Variants in PDZD2 observed in about 807,000 individuals in gnomAD.
PDZD2 encodes the protein PDZ domain-containing protein 2.
In PDZD2, 90 loss-of-function variants were observed where a neutral mutation model predicts 220.7. The observed-to-expected ratio is 0.41, with a 90% CI of 0.34 to 0.49. The LOEUF is 0.49. PDZD2 is among the 20% of genes least tolerant of loss of function. The pLI, the probability that PDZD2 is intolerant of heterozygous loss-of-function variation, is 0.28. For synonymous variants in PDZD2, 1,375 were observed against 1,450.5 expected, an observed-to-expected ratio of 0.95 and a Z score of 1.18; for missense variants, 3,174 against 3,608.5, an observed-to-expected ratio of 0.88 and a Z score of 3.08.
At chr5:31,979,328 G>A (rs995393417) in intron 2 of PDZD2, among the ~76,000 whole-genome samples, 7 of 152,130 alleles carry the variant, frequency 4.6e-5, no homozygotes, top group South Asian at 2.1e-4. Context: ...CCAGCACTTT[G>A]GGAGCCTGAG....
chr5:31,798,480 C>T (rs1252746005), intron 1 of PDZD2, among the ~76,000 whole-genome samples: 3 of 152,100 alleles, frequency 2.0e-5, no homozygotes, highest in Non-Finnish European at 2.9e-5. Context: ...GCTGGGCTGA[C>T]CAAGGCAAAT....
chr5:31,949,045 C>G (rs1366579592), intron 2 of PDZD2, among the ~76,000 whole-genome samples: 2 of 137,122 alleles, frequency 1.5e-5, no homozygotes, highest in Non-Finnish European at 3.0e-5. Flanking sequence ...TTGCACTGAG[C>G]TGAGATGGAG....
intron 1 of PDZD2, among the ~76,000 whole-genome samples, chr5:31,740,097 C>T (rs536792414): frequency 1.2e-4 from 18 of 152,236 alleles, no homozygotes; most frequent in Non-Finnish European, 1.8e-4. Flanking sequence ...TTCCACCTCT[C>T]GGTAGCCATT....
intron 6 of PDZD2, among the ~76,000 whole-genome samples, chr5:32,019,846 TA>T (rs1754057958): frequency 1.3e-5 from 2 of 152,278 alleles, no homozygotes; most frequent in South Asian, 4.1e-4. Flanking sequence ...AGAAGTCATG[TA>T]ATGACTTTCT....
At chr5:31,648,172 A>G (rs422147) in intron 1 of PDZD2, among the ~76,000 whole-genome samples, 135,980 of 152,110 alleles carry the variant, frequency 0.89, 61,851 homozygotes, top group East Asian at 1. Context: ...GGAGAGCTCA[A>G]CTATCTCGAG....
At chr5:31,868,046 A>C (rs1472251243) in intron 2 of PDZD2, among the ~76,000 whole-genome samples, 1 of 152,204 alleles carries the variant, frequency 6.6e-6, no homozygotes, top group Non-Finnish European at 1.5e-5. Flanking sequence ...CCTGAGGCTC[A>C]GAAGGGCCTT....
chr5:32,025,309 T>G (rs1754550998), intron 6 of PDZD2, among the ~76,000 whole-genome samples: 1 of 152,036 alleles, frequency 6.6e-6, no homozygotes, highest in Non-Finnish European at 1.5e-5. Flanking sequence ...GCGGATCACC[T>G]GAGGTCAGGA....
intron 1 of PDZD2, among the ~76,000 whole-genome samples, chr5:31,660,202 G>A (rs1199105648): frequency 6.6e-6 from 1 of 152,110 alleles, no homozygotes; most frequent in Non-Finnish European, 1.5e-5. Flanking sequence ...ATAGAAAGGA[G>A]CAATTCTTTG....
intron 2 of PDZD2, among the ~76,000 whole-genome samples, chr5:31,827,094 C>A (rs1756277018): frequency 6.6e-6 from 1 of 152,206 alleles, no homozygotes; most frequent in Admixed American, 6.5e-5. Flanking sequence ...GGGAACCTTG[C>A]TCTTTATTCA....
chr5:31,841,680 G>T (rs909106611), intron 2 of PDZD2, among the ~76,000 whole-genome samples: 1 of 147,096 alleles, frequency 6.8e-6, no homozygotes, highest in African/African-American at 2.5e-5. Flanking sequence ...CAAAAAAAAA[G>T]AACAATACCT....
chr5:32,015,954 G>A (rs763713795), intron 6 of PDZD2, among the ~76,000 whole-genome samples: 1 of 152,172 alleles, frequency 6.6e-6, no homozygotes, highest in African/African-American at 2.4e-5. Context: ...ACCCGTATCC[G>A]GCTTCCGTTG....
intron 1 of PDZD2, among the ~76,000 whole-genome samples, chr5:31,774,393 G>GA (rs1298457830): frequency 6.7e-6 from 1 of 150,320 alleles, no homozygotes; most frequent in Non-Finnish European, 1.5e-5. Context: ...GTTCACTGTA[G>GA]AAAAAAGAAA....
At chr5:31,886,321 CCAAGCT>C (rs1740468825) in intron 2 of PDZD2, among the ~76,000 whole-genome samples, 1 of 152,112 alleles carries the variant, frequency 6.6e-6, no homozygotes, top group Admixed American at 6.6e-5. Context: ...GGCAGCGACT[CCAAGCT>C]TTGGTTGAGT....
At chr5:31,792,286 G>A (rs148136985) in intron 1 of PDZD2, among the ~76,000 whole-genome samples, 99 of 152,338 alleles carry the variant, frequency 6.5e-4, no homozygotes, top group African/African-American at 2.2e-3. Flanking sequence ...ATCAGAAGCA[G>A]GCAGGCAGCA....
At chr5:32,052,319 T>C (rs1738643366) in intron 8 of PDZD2, among the ~76,000 whole-genome samples, 1 of 152,210 alleles carries the variant, frequency 6.6e-6, no homozygotes, top group Non-Finnish European at 1.5e-5. Context: ...CTAATTTTTG[T>C]ATTTTTATTA....
chr5:31,752,853 A>G (rs927306401), intron 1 of PDZD2, among the ~76,000 whole-genome samples: 7 of 152,058 alleles, frequency 4.6e-5, no homozygotes, highest in African/African-American at 1.2e-4. Flanking sequence ...TCTGAACCCC[A>G]TAGTGGTTGG....
intron 2 of PDZD2, among the ~76,000 whole-genome samples, chr5:31,913,628 G>A (rs1280518185): frequency 6.6e-6 from 1 of 152,158 alleles, no homozygotes; most frequent in Non-Finnish European, 1.5e-5. Flanking sequence ...CTTGCTGCCA[G>A]TGTGGGTTTC....
At chr5:32,072,381 C>T (rs1388772964) in intron 17 of PDZD2, 64 bp downstream of exon 17, 4 of 1,299,310 alleles carry the variant, frequency 3.1e-6, no homozygotes, top group Non-Finnish European at 4.3e-6. Flanking sequence ...TGGTTTCCAC[C>T]TCTGTGCTGG....
intron 1 of PDZD2, among the ~76,000 whole-genome samples, chr5:31,762,213 C>A (rs938398960): frequency 6.6e-6 from 1 of 152,254 alleles, no homozygotes; most frequent in Non-Finnish European, 1.5e-5. Flanking sequence ...CAAACCATAT[C>A]ATCAGTTTAC....
Sources: gnomAD v4.1 joint callset for allele counts (sites outside exome capture counted in the v4.1 genomes callset) on GRCh38, gnomAD v4.1.1 for gene constraint, MANE v1.5 for transcripts, NCBI Gene and HGNC (gene_info 2026-07-23, HGNC 2026-07-21) for gene names.